CDH4: variants seen among roughly 807,000 people sequenced by gnomAD.
CDH4 encodes the protein cadherin-4.
CDH4 carries 33 observed loss-of-function variants against 86.0 expected under a neutral mutation model. The ratio of observed to expected loss-of-function variants is 0.38; its 90% CI spans 0.29 to 0.51. The LOEUF (loss-of-function observed/expected upper bound fraction) is 0.51, where lower values mean the gene tolerates loss of function less well. Among genes scored for constraint, CDH4 ranks in the 20% least tolerant of loss-of-function variants. The pLI, the probability that CDH4 is intolerant of heterozygous loss-of-function variation, is 0.86. For missense variants in CDH4, 1,114 were observed against 1,307.4 expected, an observed-to-expected ratio of 0.85 and a Z score of 2.28; for synonymous variants, 555 against 549.4, an observed-to-expected ratio of 1.01 and a Z score of -0.14.
At chr20:61,890,209 G>A (rs1271656129) in intron 7 of CDH4, among the ~76,000 whole-genome samples, 1 of 146,512 alleles carries the variant, frequency 6.8e-6, no homozygotes, top group South Asian at 2.2e-4. Flanking sequence ...ATGGATAGAT[G>A]GATGTTGGAT....
Position 61,516,025 on chromosome 20 carries a change from G to A in CDH4, c.170-227538G>A, listed in dbSNP as rs557183477. On this transcript the variant is annotated intron_variant, in intron 2 of 15. Coordinates refer to ENST00000614565, the MANE Select transcript of CDH4 (RefSeq NM_001794.5). The surrounding 1 kb of genome is among the most constrained non-coding windows in gnomAD (Gnocchi z 4.0). ...AACTTCTCCAGCCCCATCTTCCCCT[G>A]GGCTCTGGAACGCCCCCCCAATACG... 4.7e-4 allele frequency among the ~76,000 whole-genome samples: 72 copies of A among 152,110 alleles called. No individual in the cohort carries two copies. The highest frequency in any genetic ancestry group is 1.3e-3 in the African/African-American group (53 of 41,452).
At chr20:61,804,416 C>T (rs1208029497) in intron 4 of CDH4, among the ~76,000 whole-genome samples, 1 of 152,226 alleles carries the variant, frequency 6.6e-6, no homozygotes, top group African/African-American at 2.4e-5. Flanking sequence ...CGTCCAGCCT[C>T]TGCATCTGGC....
rs191913564 is a variant in CDH4, at chr20:61,723,314, C to T, written c.170-20249C>T. Among the ~76,000 whole-genome samples the T allele has an allele frequency of 5.6e-4, 86 of 152,328 alleles. 1 individual carries two copies. Among genetic ancestry groups the T allele is most frequent in the Non-Finnish European group, 2.1e-4 (14 of 68,032 alleles). On this transcript the variant is annotated intron_variant, in intron 2 of 15. Coordinates refer to ENST00000614565, the MANE Select transcript of CDH4 (RefSeq NM_001794.5). ...AGCCCCTGCACCTCCTCCGGACCCCCGTCCTGGCTCCTCAGCACCGGGCAG... is the reference window on the plus strand; with the variant it reads ...AGCCCCTGCACCTCCTCCGGACCCCTGTCCTGGCTCCTCAGCACCGGGCAG...
intron 14 of CDH4, 104 bp from the exon 15 acceptor site, chr20:61,933,952 C>A: frequency 7.7e-7 from 1 of 1,304,998 alleles, no homozygotes; most frequent in Non-Finnish European, 1.1e-6. Flanking sequence ...GGCCACAGGG[C>A]AGCAGGTGCA....
chr20:61,747,315 G>T (rs1284920144), intron 3 of CDH4, among the ~76,000 whole-genome samples: 1 of 152,034 alleles, frequency 6.6e-6, no homozygotes, highest in African/African-American at 2.4e-5. Context: ...GGGCGTAGTG[G>T]CAGGTGCCTA....
chr20:61,503,601 A>G (rs944423262), intron 2 of CDH4, among the ~76,000 whole-genome samples: 10 of 152,174 alleles, frequency 6.6e-5, no homozygotes, highest in Non-Finnish European at 1.3e-4. Flanking sequence ...GTTAGAGGTA[A>G]TATGTCATAA....
intron 2 of CDH4, among the ~76,000 whole-genome samples, chr20:61,567,970 C>T (rs2086312835): frequency 6.6e-6 from 1 of 152,186 alleles, no homozygotes; most frequent in South Asian, 2.1e-4. Context: ...GAAACCCTAT[C>T]TCTAATAAAA....
chr20:61,434,140 T>A (rs2085266790), intron 2 of CDH4, among the ~76,000 whole-genome samples: 2 of 152,160 alleles, frequency 1.3e-5, no homozygotes, highest in Admixed American at 1.3e-4. Context: ...GTATCACAGG[T>A]CAAATCAGCC....
intron 2 of CDH4, among the ~76,000 whole-genome samples, chr20:61,565,068 G>GTGGTGGTGGTGGTGCTCT (rs2086255293): frequency 1.5e-5 from 2 of 135,720 alleles, no homozygotes; most frequent in South Asian, 5.6e-4. Context: ...GCTCTTGGTG[G>GTGGTGGTGGTGGTGCTCT]TGGTGGTGGT....
chr20:61,737,485 G>A (rs1360064783), intron 2 of CDH4, among the ~76,000 whole-genome samples: 1 of 152,080 alleles, frequency 6.6e-6, no homozygotes, highest in Non-Finnish European at 1.5e-5. Flanking sequence ...CCTGACTAGG[G>A]CCCTTGTGTG....
At chr20:61,690,480 A>G (rs2145871340) in intron 2 of CDH4, among the ~76,000 whole-genome samples, 1 of 152,226 alleles carries the variant, frequency 6.6e-6, no homozygotes, top group East Asian at 1.9e-4. Flanking sequence ...TGGGTTGGAA[A>G]GGCCGAGGCC....
chr20:61,589,510 C>T (rs2086501947), intron 2 of CDH4, among the ~76,000 whole-genome samples: 1 of 152,164 alleles, frequency 6.6e-6, no homozygotes, highest in Non-Finnish European at 1.5e-5. Context: ...ATGTGCCTAT[C>T]CTCACATAAT....
chr20:61,587,804 T>G (rs2086489603), intron 2 of CDH4, among the ~76,000 whole-genome samples: 1 of 152,188 alleles, frequency 6.6e-6, no homozygotes, highest in Non-Finnish European at 1.5e-5. Context: ...TTATTGTTTT[T>G]TTAATTGCAC....
intron 2 of CDH4, among the ~76,000 whole-genome samples, chr20:61,645,904 G>A (rs931566785): frequency 1.9e-4 from 29 of 152,294 alleles, no homozygotes; most frequent in African/African-American, 6.7e-4. Flanking sequence ...CTTATAAGGT[G>A]GAGGGAAAGA....
At position 61,864,750 on chromosome 20, in the gene CDH4, C is replaced by T. The variant is rs186950445; in HGVS notation, c.878-8978C>T. On this transcript the variant is annotated intron_variant, in intron 6 of 15. Coordinates refer to ENST00000614565, the MANE Select transcript of CDH4 (RefSeq NM_001794.5). ...CGGGCAGACCCTTATGAGACAAACCCGATTATCTCCACCCATCATTCCCTC... is the reference window on the plus strand; with the variant it reads ...CGGGCAGACCCTTATGAGACAAACCTGATTATCTCCACCCATCATTCCCTC... Among the ~76,000 whole-genome samples, 18 of 152,312 alleles carry T rather than the reference C, an allele frequency of 1.2e-4. No individual in the cohort carries two copies. The East Asian group carries it at 1.9e-3, about 16-fold the overall frequency.
chr20:61,763,679 G>T (rs916645676), intron 3 of CDH4, among the ~76,000 whole-genome samples: 4 of 152,070 alleles, frequency 2.6e-5, no homozygotes, highest in African/African-American at 9.7e-5. Flanking sequence ...TTCCATGGAA[G>T]GCACTCTGGG....
chr20:61,737,253 A>G (rs1021845331), intron 2 of CDH4, among the ~76,000 whole-genome samples: 4 of 152,148 alleles, frequency 2.6e-5, no homozygotes, highest in Admixed American at 6.5e-5. Context: ...AGAAGAAAAC[A>G]TGGGCTTTAA....
rs139014659 is a variant in CDH4, at chr20:61,713,154, ATAAG to A, written c.170-30405_170-30402del. 7.2e-3 allele frequency among the ~76,000 whole-genome samples: 1,096 copies of A among 152,338 alleles called. 12 individuals are homozygous for A. The highest frequency in any genetic ancestry group is 0.025 in the African/African-American group (1,052 of 41,570). On this transcript the variant is annotated intron_variant, in intron 2 of 15. Transcript: ENST00000614565. ...GGGCAGATGTGCAAAATATGCAAAA[ATAAG>A]TAAAGATGCTTTTGAAATGTATCTG...
intron 2 of CDH4, among the ~76,000 whole-genome samples, chr20:61,736,473 C>G (rs972696323): frequency 1.2e-4 from 19 of 152,196 alleles, no homozygotes; most frequent in African/African-American, 4.1e-4. Context: ...GAGTGCCGCA[C>G]GTCTGATGTG....
Sources: gnomAD v4.1 joint callset for allele counts (sites outside exome capture counted in the v4.1 genomes callset) on GRCh38, gnomAD v4.1.1 for gene constraint, Gnocchi (gnomAD v3.1) non-coding constraint, MANE v1.5 for transcripts, NCBI Gene and HGNC (gene_info 2026-07-23, HGNC 2026-07-21) for gene names.